Variants in KCNIP4 observed in about 807,000 individuals in gnomAD.
KCNIP4 encodes the protein potassium voltage-gated channel interacting protein 4.
KCNIP4 carries 12 observed loss-of-function variants against 34.0 expected under a neutral mutation model. That is an observed-to-expected ratio of 0.35 (90% CI 0.23 to 0.57). The LOEUF is 0.57. KCNIP4 is among the 20% of genes least tolerant of loss of function. The pLI is 0.83. For missense variants in KCNIP4, 238 were observed against 311.7 expected (o/e 0.76, Z 1.78); for synonymous variants, 124 against 102.2 (o/e 1.21, Z -1.29).
At chr4:20,793,790 T>C (rs540251360) in intron 3 of KCNIP4, among the ~76,000 whole-genome samples, 4 of 151,772 alleles carry the variant, frequency 2.6e-5, no homozygotes, top group Admixed American at 6.6e-5. Flanking sequence ...CTGAGGGTGA[T>C]GGGAGATAGT....
At chr4:21,167,955 A>G (rs1478793979) in intron 1 of KCNIP4, among the ~76,000 whole-genome samples, 1 of 152,184 alleles carries the variant, frequency 6.6e-6, no homozygotes, top group African/African-American at 2.4e-5. Context: ...TGATATTTTG[A>G]TCAGGCCACC....
chr4:21,423,676 T>C (rs1405416549), intron 1 of KCNIP4, among the ~76,000 whole-genome samples: 1 of 152,246 alleles, frequency 6.6e-6, no homozygotes, highest in Non-Finnish European at 1.5e-5. Context: ...TTTTTTTTAA[T>C]TTCACAGAAT....
In KCNIP4 at chr4:21,121,787, C is replaced by T. The variant is rs565029113; in HGVS notation, c.62-239078G>A. Among the ~76,000 whole-genome samples, 30 of 152,220 alleles carry T rather than the reference C, an allele frequency of 2.0e-4. No individual in the cohort carries two copies. In the South Asian group the frequency reaches 5.8e-3, roughly 29 times the overall value. On this transcript the variant is annotated intron_variant, in intron 1 of 8. Coordinates refer to ENST00000382152, the MANE Select transcript of KCNIP4 (RefSeq NM_025221.6). The stretch of plus-strand genomic sequence containing the variant: ...CAGGTAGATTCCCATGTTTCCAGTA[C>T]GATGTCATGAAAATAAAAGGACCCC...
At chr4:21,228,432 C>G (rs1308144375) in intron 1 of KCNIP4, among the ~76,000 whole-genome samples, 1 of 152,152 alleles carries the variant, frequency 6.6e-6, no homozygotes, top group South Asian at 2.1e-4. Context: ...TGAAACCTCT[C>G]TTCTTCATAA....
intron 5 of KCNIP4, among the ~76,000 whole-genome samples, chr4:20,743,183 C>A (rs1327062337): frequency 6.6e-6 from 1 of 152,068 alleles, no homozygotes; most frequent in Non-Finnish European, 1.5e-5. Context: ...GTGAACATGG[C>A]CATACTGCCC....
intron 1 of KCNIP4, among the ~76,000 whole-genome samples, chr4:21,523,648 T>G (rs1735728487): frequency 6.6e-6 from 1 of 152,064 alleles, no homozygotes; most frequent in African/African-American, 2.4e-5. Context: ...CATAGCCCAC[T>G]GACACCTCAA....
chr4:20,939,410 T>C (rs1215039823), intron 1 of KCNIP4, among the ~76,000 whole-genome samples: 4 of 152,082 alleles, frequency 2.6e-5, no homozygotes, highest in Non-Finnish European at 5.9e-5. Context: ...ATGGAGTCTC[T>C]ATCGCCAGGC....
intron 1 of KCNIP4, among the ~76,000 whole-genome samples, chr4:21,396,279 G>A (rs889969128): frequency 6.6e-6 from 1 of 151,832 alleles, no homozygotes; most frequent in Admixed American, 6.6e-5. Flanking sequence ...TCCTGGGCCG[G>A]GTGTGGTGGC....
chr4:21,484,156 G>C (rs1295524552), intron 1 of KCNIP4, among the ~76,000 whole-genome samples: 1 of 152,050 alleles, frequency 6.6e-6, no homozygotes, highest in Non-Finnish European at 1.5e-5. Flanking sequence ...GCTGGGTGTG[G>C]TGGCTCACGC....
At chr4:20,829,401 G>T (rs1316228362) in intron 3 of KCNIP4, among the ~76,000 whole-genome samples, 1 of 151,996 alleles carries the variant, frequency 6.6e-6, no homozygotes, top group Non-Finnish European at 1.5e-5. Context: ...TAGAGACAGG[G>T]TTTCACCATG....
intron 1 of KCNIP4, among the ~76,000 whole-genome samples, chr4:21,487,967 GA>G (rs1362260384): frequency 1.2e-4 from 19 of 152,072 alleles, no homozygotes; most frequent in African/African-American, 4.3e-4. Flanking sequence ...TTTCTCCAAG[GA>G]GTCCTGGTTC....
intron 1 of KCNIP4, among the ~76,000 whole-genome samples, chr4:21,825,469 G>C (rs1722623202): frequency 6.6e-6 from 1 of 152,082 alleles, no homozygotes; most frequent in Admixed American, 6.6e-5. Context: ...CCATCATAAT[G>C]CTTGTGTAAG....
chr4:21,110,365 C>T (rs76213155), intron 1 of KCNIP4, among the ~76,000 whole-genome samples: 21,685 of 152,012 alleles, frequency 0.14, 1,753 homozygotes, highest in East Asian at 0.23. Context: ...GCAAGGAGGG[C>T]CAAATGGTGC....
At chr4:21,557,742 A>G (rs1739191154) in intron 1 of KCNIP4, among the ~76,000 whole-genome samples, 1 of 152,128 alleles carries the variant, frequency 6.6e-6, no homozygotes, top group South Asian at 2.1e-4. Flanking sequence ...CAATTTTCCA[A>G]TTTTAGACCC....
intron 3 of KCNIP4, among the ~76,000 whole-genome samples, chr4:20,784,921 A>T (rs1172723040): frequency 6.6e-6 from 1 of 152,118 alleles, no homozygotes; most frequent in East Asian, 1.9e-4. Flanking sequence ...GGCTGGAGAG[A>T]TTTTGAAATA....
At chr4:21,600,014 TG>T (rs1395144933) in intron 1 of KCNIP4, among the ~76,000 whole-genome samples, 2 of 152,064 alleles carry the variant, frequency 1.3e-5, no homozygotes, top group Non-Finnish European at 2.9e-5. Flanking sequence ...CTGCTGCAGG[TG>T]GTCCTCAGAT....
intron 1 of KCNIP4, among the ~76,000 whole-genome samples, chr4:21,400,538 CTCTT>C (rs1723444153): frequency 2.2e-5 from 2 of 90,800 alleles, no homozygotes; most frequent in African/African-American, 9.7e-5. Flanking sequence ...CTCTTCTCTT[CTCTT>C]CTCTTCTCTT....
chr4:21,320,763 G>T (rs1020708383), intron 1 of KCNIP4, among the ~76,000 whole-genome samples: 1 of 152,004 alleles, frequency 6.6e-6, no homozygotes, highest in African/African-American at 2.4e-5. Context: ...TTGAGGCCAG[G>T]AATTTCAGAC....
chr4:21,106,064 G>A (rs1263565565), intron 1 of KCNIP4, among the ~76,000 whole-genome samples: 1 of 151,296 alleles, frequency 6.6e-6, no homozygotes. Context: ...TCTCTTTTTT[G>A]GTTGTGTCTC....
Sources: allele counts gnomAD v4.1 joint callset (sites outside exome capture counted in the v4.1 genomes callset), GRCh38; gene constraint gnomAD v4.1.1; transcripts MANE v1.5; gene names NCBI Gene and HGNC (gene_info 2026-07-23, HGNC 2026-07-21).